The following STC1 variants were observed in gnomAD, a reference collection of about 807,000 sequenced individuals.
STC1 encodes stanniocalcin 1.
Under a neutral mutation model 22.6 loss-of-function variants are expected in STC1, and 7 were observed. That is an observed-to-expected ratio of 0.31 (90% CI 0.18 to 0.58). The LOEUF (loss-of-function observed/expected upper bound fraction) is 0.58. STC1 is among the 20% of genes least tolerant of loss of function. STC1 has a pLI of 0.89. For missense variants in STC1, 224 were observed against 311.0 expected (o/e 0.72, Z 2.10); for synonymous variants, 113 against 120.7 (o/e 0.94, Z 0.42).
chr8:23,845,085 C>T (rs1446078230), intron 3 of STC1, 45 bp from the exon 4 acceptor site: 2 of 1,593,474 alleles, frequency 1.3e-6, no homozygotes, highest in African/African-American at 1.3e-5. Flanking sequence ...CCAGTGAGAG[C>T]CCGGCGAGAC....
chr8:23,845,776 T>G (rs1298337464), intron 3 of STC1, among the ~76,000 whole-genome samples: 1 of 152,220 alleles, frequency 6.6e-6, no homozygotes, highest in Non-Finnish European at 1.5e-5. Flanking sequence ...TCTATTTAAA[T>G]GGAAATATTG....
At chr8:23,850,664 G>A (rs1359218865) in intron 3 of STC1, among the ~76,000 whole-genome samples, 3 of 152,122 alleles carry the variant, frequency 2.0e-5, no homozygotes, top group African/African-American at 7.2e-5. Context: ...ATGAGAATGG[G>A]ATCTGGACAG....
At position 23,854,461 on chromosome 8, in the gene STC1, C is replaced by T. The variant is rs778774346; in HGVS notation, c.63G>A (p.Ala21=). ...TGGGGCTCACAGAGTCATTCTGCTC[C>T]GCCTCATGGGTTGCAGAAGCACTGA... is the stretch of plus-strand genomic sequence containing the variant. ...LVISASATHE[A]EQNDSVSPRK... The change falls in exon 1 of 4, where the codon GCG becomes GCA. Residue 21 remains alanine (A), a synonymous_variant. Transcript: ENST00000290271. The T allele has an allele frequency of 1.9e-5, 30 of 1,614,060 alleles. No homozygotes were observed. The highest frequency in any genetic ancestry group is 9.3e-5 in the African/African-American group (7 of 74,914).
chr8:23,849,207 A>C (rs1432238726), intron 3 of STC1, among the ~76,000 whole-genome samples: 1 of 152,188 alleles, frequency 6.6e-6, no homozygotes, highest in Non-Finnish European at 1.5e-5. Flanking sequence ...GCCAATTGGC[A>C]CTGACTTAGC....
chr8:23,848,529 CAAAAAAAA>C (rs796433655), intron 3 of STC1, among the ~76,000 whole-genome samples: 7 of 63,616 alleles, frequency 1.1e-4, no homozygotes, highest in African/African-American at 1.7e-4. Flanking sequence ...GATACTCTGT[CAAAAAAAA>C]AAAAAAAAAA....
At position 23,847,356 on chromosome 8, in the gene STC1, C is replaced by T. The variant is rs547517546; in HGVS notation, c.474-2316G>A. Among the ~76,000 whole-genome samples the T allele has an allele frequency of 2.0e-5, 3 of 152,278 alleles. No homozygotes were observed. In the East Asian group the frequency reaches 5.8e-4, roughly 29 times the overall value. ...CCTTTACTGTTGCTTTGTCTGCTGG[C>T]TCAGATATGACACCTGACCTTGGTG... On this transcript the variant is annotated intron_variant, in intron 3 of 3. Coordinates refer to ENST00000290271, the MANE Select transcript of STC1 (RefSeq NM_003155.3).
intron 3 of STC1, among the ~76,000 whole-genome samples, chr8:23,849,692 C>T (rs980841620): frequency 1.3e-5 from 2 of 152,090 alleles, no homozygotes; most frequent in African/African-American, 2.4e-5. Context: ...GGAAATATGC[C>T]GTATTATAGA....
chr8:23,849,409 A>AT (rs532208739), intron 3 of STC1, among the ~76,000 whole-genome samples: 2,695 of 150,650 alleles, frequency 0.018, 74 homozygotes, highest in African/African-American at 0.061. Context: ...GGCTGGCCAC[A>AT]TTTTTTTTTT....
chr8:23,844,516 A>T lies in STC1; in HGVS notation c.*254T>A. ...AGCAGGGGAAAAACATGGCAGAGGA[A>T]GTTGGTAAAAGAGGGTACTTTCTCC... On this transcript the variant is annotated 3_prime_UTR_variant, in exon 4 of 4. Coordinates refer to ENST00000290271, the MANE Select transcript of STC1 (RefSeq NM_003155.3). 4.0e-6 allele frequency: 2 copies of T among 498,600 alleles called. No individual in the cohort carries two copies. The highest frequency in any genetic ancestry group is 7.2e-6 in the Non-Finnish European group (2 of 276,940). 30.9% of individuals were successfully genotyped at this position (498,600 alleles called of 1,614,324 possible).
chr8:23,847,872 G>A (rs1287554347), intron 3 of STC1, among the ~76,000 whole-genome samples: 1 of 152,192 alleles, frequency 6.6e-6, no homozygotes, highest in Non-Finnish European at 1.5e-5. Flanking sequence ...GGACTACCAC[G>A]GTGCACATAT....
chr8:23,844,673 T>TA lies in STC1; in HGVS notation c.*96dup. 6.3e-6 allele frequency: 9 copies of TA among 1,428,186 alleles called. No homozygotes were observed. The highest frequency in any genetic ancestry group is 8.5e-6 in the Non-Finnish European group (9 of 1,059,656). 88.5% of individuals were successfully genotyped at this position (1,428,186 alleles called of 1,614,324 possible). On this transcript the variant is annotated 3_prime_UTR_variant, in exon 4 of 4. Transcript: ENST00000290271. ...GGGGGATAGAAAATAGGAACTACTT[T>TA]AAAAAAATCAAACCAGGCACAGTAC...
At chr8:23,850,464 C>G (rs1377710802) in intron 3 of STC1, among the ~76,000 whole-genome samples, 1 of 152,174 alleles carries the variant, frequency 6.6e-6, no homozygotes, top group Non-Finnish European at 1.5e-5. Flanking sequence ...CCCTGCCAGA[C>G]CTCCACGCCA....
In STC1 at chr8:23,845,159, T is replaced by C. The variant is rs1330651609; in HGVS notation, c.474-119A>G. 8 of 1,071,570 alleles carry C rather than the reference T, an allele frequency of 7.5e-6. No individual in the cohort carries two copies. The East Asian group carries it at 1.2e-4, about 16-fold the overall frequency. 66.4% of individuals were successfully genotyped at this position (1,071,570 alleles called of 1,614,324 possible). ...AATGGCCTGACCATGCAAACATCAA[T>C]AGTTCATCAGCTGAAGGTGGCTTTT... On this transcript the variant is annotated intron_variant, in intron 3 of 3. Transcript: ENST00000290271.
Position 23,851,336 on chromosome 8 carries a change from T to C in STC1, c.457A>G (p.Asn153Asp). Residue 153 changes from asparagine to aspartate, a missense_variant, in exon 3 of 4, where the codon AAT becomes GAT. Asn to Asp is a conservative substitution (Grantham distance 23). Transcript: ENST00000290271. ...AGTTTGTACCTGTTGGAGAAGTGATTGGGCAGCTGGACGACCTCAGTGATG... is the reference window on the plus strand; with the variant it reads ...AGTTTGTACCTGTTGGAGAAGTGATCGGGCAGCTGGACGACCTCAGTGATG... Reference protein sequence around the residue: ...EAITEVVQLPNHFSNRYYNRL... With the variant: ...EAITEVVQLPDHFSNRYYNRL... The C allele has an allele frequency of 1.9e-6, 3 of 1,614,052 alleles. No homozygotes were observed. The highest frequency in any genetic ancestry group is 2.5e-6 in the Non-Finnish European group (3 of 1,179,994).
Position 23,843,881 on chromosome 8 carries a change from A to G in STC1, c.*889T>C, listed in dbSNP as rs1390902919. The G allele has an allele frequency of 6.5e-6, 1 of 152,694 alleles. No individual in the cohort carries two copies. The highest frequency in any genetic ancestry group is 2.4e-5 in the African/African-American group (1 of 41,478). The allele number at this position is 152,694 out of a possible 1,614,324, so 9.5% of individuals were successfully genotyped here. A position where few individuals can be genotyped will look rare whatever the true frequency, so the allele number is the denominator to read the frequency against. The stretch of plus-strand genomic sequence containing the variant: ...GGCCACAAGGAGCATTTATGTGGAT[A>G]TCTGGAAGTGAGATAGTTATTCCAT... On this transcript the variant is annotated 3_prime_UTR_variant, in exon 4 of 4. Transcript: ENST00000290271.
chr8:23,846,007 A>ATCG (rs1802567896), intron 3 of STC1, among the ~76,000 whole-genome samples: 1 of 152,176 alleles, frequency 6.6e-6, no homozygotes, highest in East Asian at 1.9e-4. Context: ...GCCCGGTGCC[A>ATCG]TCGTGCTACA....
chr8:23,852,256 T>C lies in STC1; in HGVS notation c.247A>G (p.Lys83Glu). ...GGTTTTATTACCTGAGTGTCAAATTTAGCAGCGCTGTACAAGAAGGATTTA... is the reference window on the plus strand; with the variant it reads ...GGTTTTATTACCTGAGTGTCAAATTCAGCAGCGCTGTACAAGAAGGATTTA... ...ICKSFLYSAA[K>E]FDTQGKAFVK... Residue 83 changes from lysine to glutamate, a missense_variant, in exon 2 of 4, where the codon AAA (lysine) becomes GAA (glutamate). Transcript: ENST00000290271. The C allele has an allele frequency of 6.2e-7, 1 of 1,614,178 alleles. No homozygotes were observed. The highest frequency in any genetic ancestry group is 8.5e-7 in the Non-Finnish European group (1 of 1,180,036).
In STC1 at chr8:23,852,317, G is replaced by C; in HGVS notation, c.186C>G (p.Asn62Lys). ...VGCGAFACLE[N>K]STCDTDGMYD... ...ACATCCCATCTGTGTCACAGGTGGA[G>C]TTTTCCAGGCATGCAAAAGCCCCGC... is the stretch of plus-strand genomic sequence containing the variant. The change falls in exon 2 of 4, where the codon AAC (asparagine) becomes AAG (lysine). Residue 62 changes from asparagine (N) to lysine (K), a missense_variant. Asn to Lys is a moderately conservative substitution (Grantham distance 94, BLOSUM62 0). Coordinates refer to ENST00000290271, the MANE Select transcript of STC1 (RefSeq NM_003155.3). 6.2e-7 allele frequency: 1 copy of C among 1,614,106 alleles called. No homozygotes were observed. The highest frequency in any genetic ancestry group is 8.5e-7 in the Non-Finnish European group (1 of 1,180,006).
chr8:23,849,570 A>C (rs1186061759), intron 3 of STC1, among the ~76,000 whole-genome samples: 1 of 152,200 alleles, frequency 6.6e-6, no homozygotes, highest in African/African-American at 2.4e-5. Context: ...TTCTTAGATA[A>C]ATTGGGACCT....
Sources: gnomAD v4.1 joint callset for allele counts (sites outside exome capture counted in the v4.1 genomes callset) on GRCh38, gnomAD v4.1.1 for gene constraint, MANE v1.5 for transcripts, NCBI Gene and HGNC (gene_info 2026-07-23, HGNC 2026-07-21) for gene names.